The following XRN2 variants were observed in gnomAD, a reference collection of about 807,000 sequenced individuals.
XRN2 encodes the protein 5'-3' exoribonuclease 2, also known as DHM1-like protein.
Under a neutral mutation model 138.5 loss-of-function variants are expected in XRN2, and 44 were observed. The ratio of observed to expected loss-of-function variants is 0.32; its 90% CI spans 0.25 to 0.41. The LOEUF (loss-of-function observed/expected upper bound fraction) is 0.41. Ranked by LOEUF, XRN2 falls within the 10% of genes least tolerant of loss-of-function variation. The pLI is 1.00. For missense variants in XRN2, 937 were observed against 1,169.3 expected, an observed-to-expected ratio of 0.80 and a Z score of 2.90; for synonymous variants, 354 against 369.4, an observed-to-expected ratio of 0.96 and a Z score of 0.48.
chr20:21,328,561 A>G lies in XRN2; in HGVS notation c.318A>G (p.Ala106=). The change falls in exon 4 of 30, where the codon GCA becomes GCG. Residue 106 remains alanine (A), a splice_region_variant and synonymous_variant. Transcript: ENST00000377191. Reference sequence around the variant, plus strand: ...TGGAATATGAAATACATTTTCAGGCACCACGTGCTAAAATGAACCAGCAGC... The same window carrying G: ...TGGAATATGAAATACATTTTCAGGCGCCACGTGCTAAAATGAACCAGCAGC... ...RLLYMAIDGV[A]PRAKMNQQRS... is the part of the protein sequence containing the mutation. 6.2e-7 allele frequency: 1 copy of G among 1,613,368 alleles called. No individual in the cohort carries two copies. The highest frequency in any genetic ancestry group is 8.5e-7 in the Non-Finnish European group (1 of 1,179,732).
chr20:21,319,430 CAT>C (rs767631320), intron 1 of XRN2, among the ~76,000 whole-genome samples: 10 of 151,994 alleles, frequency 6.6e-5, no homozygotes, highest in Non-Finnish European at 1.2e-4. Flanking sequence ...TTGTATGTCT[CAT>C]GTCATTTTTC....
chr20:21,303,361 G>A lies in XRN2; in HGVS notation c.-38G>A, dbSNP rs980835798. The A allele has an allele frequency of 9.7e-6, 15 of 1,540,956 alleles. No homozygotes were observed. The highest frequency in any genetic ancestry group is 1.3e-5 in the Non-Finnish European group (15 of 1,143,572). ...TGCTCCCGTCTCTTTGGTTACGCTCGTCAGCCGGTCGGCCGCCGCCTCCAG... is the reference window on the plus strand; with the variant it reads ...TGCTCCCGTCTCTTTGGTTACGCTCATCAGCCGGTCGGCCGCCGCCTCCAG... On this transcript the variant is annotated 5_prime_UTR_variant, in exon 1 of 30. Coordinates refer to ENST00000377191, the MANE Select transcript of XRN2 (RefSeq NM_012255.5).
At chr20:21,304,652 T>C (rs2037790455) in intron 1 of XRN2, among the ~76,000 whole-genome samples, 1 of 152,230 alleles carries the variant, frequency 6.6e-6, no homozygotes, top group Non-Finnish European at 1.5e-5. Context: ...CTAGCTGGAA[T>C]AGGAGAGGAT....
chr20:21,329,472 C>T (rs989407654), intron 4 of XRN2, among the ~76,000 whole-genome samples: 1 of 152,150 alleles, frequency 6.6e-6, no homozygotes, highest in African/African-American at 2.4e-5. Context: ...TAATTGCACT[C>T]TGCAGTTGAA....
At chr20:21,314,599 G>T (rs1446043671) in intron 1 of XRN2, among the ~76,000 whole-genome samples, 1 of 152,022 alleles carries the variant, frequency 6.6e-6, no homozygotes, top group Non-Finnish European at 1.5e-5. Context: ...CGATTCTCCT[G>T]CCTCAGTCTC....
In XRN2 at chr20:21,340,670, A is replaced by G. The variant is rs771302746; in HGVS notation, c.1279-51A>G. ...TGCCCTTCTTTCCTTTCTGTCATCT[A>G]ACTGTGTTGTGATTTAATTTTAATT... is the stretch of plus-strand genomic sequence containing the variant. On this transcript the variant is annotated intron_variant, in intron 14 of 29. Transcript: ENST00000377191. 1.3e-5 allele frequency: 20 copies of G among 1,589,670 alleles called. No homozygotes were observed. The African/African-American group carries it at 1.9e-4, about 15-fold the overall frequency.
intron 1 of XRN2, among the ~76,000 whole-genome samples, chr20:21,315,575 C>G (rs2037947294): frequency 6.6e-6 from 1 of 152,204 alleles, no homozygotes; most frequent in Non-Finnish European, 1.5e-5. Flanking sequence ...TCACTGCAAC[C>G]TCCATCTCCC....
chr20:21,331,771 A>G lies in XRN2; in HGVS notation c.653A>G (p.Gln218Arg). ...IMDYIRRQRA[Q>R]PNHDPNTHHC... ...TACATGTTTCTCTCTTGTTTAGCCC[A>G]GCCTAACCATGACCCAAATACTCAT... Residue 218 changes from glutamine to arginine, a missense_variant, in exon 8 of 30, where the codon CAG (glutamine) becomes CGG (arginine). Physicochemically the swap from Gln to Arg is conservative, Grantham distance 43. This residue lies in a region of XRN2 where 471 missense variants were observed against 581.2 expected (regional missense o/e 0.81). Transcript: ENST00000377191. 1 of 1,608,150 alleles carries G rather than the reference A, an allele frequency of 6.2e-7. No homozygotes were observed. Among genetic ancestry groups the G allele is most frequent in the East Asian group, 2.2e-5 (1 of 44,650 alleles).
chr20:21,363,164 A>G (rs1424036484), intron 24 of XRN2, among the ~76,000 whole-genome samples: 1 of 152,174 alleles, frequency 6.6e-6, no homozygotes, highest in Non-Finnish European at 1.5e-5. Flanking sequence ...AGGTGTATAC[A>G]CACACATGCT....
chr20:21,311,330 A>G (rs998420481), intron 1 of XRN2, among the ~76,000 whole-genome samples: 1 of 152,100 alleles, frequency 6.6e-6, no homozygotes, highest in African/African-American at 2.4e-5. Flanking sequence ...TGAAATCATA[A>G]TATTTTTCCT....
rs1462418918 is a variant in XRN2, at chr20:21,331,830, C to G, written c.700+12C>G. 3.7e-6 allele frequency: 6 copies of G among 1,611,290 alleles called. No homozygotes were observed. The African/African-American group carries it at 8.0e-5, about 22-fold the overall frequency. On this transcript the variant is annotated intron_variant, in intron 8 of 29. Transcript: ENST00000377191. ...ATGTGGAGCAGATGGTAAGTTTCTT[C>G]TTTGGGATTTGCTTCTTTTGGATTA...
Position 21,389,334 on chromosome 20 carries a change from A to G in XRN2, c.2849A>G (p.Asn950Ser). 1 of 1,612,662 alleles carries G rather than the reference A, an allele frequency of 6.2e-7. No individual in the cohort carries two copies. The highest frequency in any genetic ancestry group is 1.1e-5 in the South Asian group (1 of 90,730). ...CCACCCTCAGGAAGATACAATTGGA[A>G]TTAAGCTTTTGTAAAGCTTTCCCAA... ...LPPPSGRYNW[N>S] Residue 950 changes from asparagine (N) to serine (S), a missense_variant, in exon 30 of 30, where the codon AAT becomes AGT. Asn to Ser is a conservative substitution (Grantham distance 46, BLOSUM62 1). Transcript: ENST00000377191.
At chr20:21,342,306 G>T (rs1262888113) in intron 15 of XRN2, among the ~76,000 whole-genome samples, 1 of 151,766 alleles carries the variant, frequency 6.6e-6, no homozygotes, top group Non-Finnish European at 1.5e-5. Flanking sequence ...TTATATTTGT[G>T]GTTTTATATT....
At chr20:21,328,761 C>G in intron 4 of XRN2, 91 bp downstream of exon 4, 1 of 1,129,890 alleles carries the variant, frequency 8.9e-7, no homozygotes, top group Non-Finnish European at 1.3e-6. Context: ...AAGAGGCAAG[C>G]TTTTAATTTA....
rs8115710 is a variant in XRN2, at chr20:21,319,024, T to C, written c.76-7255T>C. 3.3e-3 allele frequency among the ~76,000 whole-genome samples: 509 copies of C among 152,314 alleles called. 4 individuals are homozygous for C. Among genetic ancestry groups the C allele is most frequent in the African/African-American group, 0.012 (489 of 41,594 alleles). On this transcript the variant is annotated intron_variant, in intron 1 of 29. Transcript: ENST00000377191. The stretch of plus-strand genomic sequence containing the variant: ...GAAGTCTCCAGCTATCATTGTTGAA[T>C]TGCCATATGTCTTGTTTTGTGTATT...
At chr20:21,348,854 A>G (rs745673337) in intron 19 of XRN2, among the ~76,000 whole-genome samples, 1 of 152,158 alleles carries the variant, frequency 6.6e-6, no homozygotes, top group Non-Finnish European at 1.5e-5. Context: ...CTTGTTAGCC[A>G]GGATGGTCTT....
intron 4 of XRN2, among the ~76,000 whole-genome samples, chr20:21,329,015 C>T (rs541034757): frequency 1.6e-4 from 24 of 152,060 alleles, no homozygotes; most frequent in South Asian, 4.2e-4. Flanking sequence ...TTCTCTGTGG[C>T]GGCTGTCAGA....
chr20:21,355,908 T>C (rs2038570423), intron 21 of XRN2, among the ~76,000 whole-genome samples, 172 bp from the exon 22 acceptor site: 1 of 152,208 alleles, frequency 6.6e-6, no homozygotes, highest in Non-Finnish European at 1.5e-5. Flanking sequence ...CACAGTACTA[T>C]CAAATACTAG....
Position 21,356,117 on chromosome 20 carries a change from G to T in XRN2, c.2058G>T (p.Val686=), listed in dbSNP as rs1373392862. 1 of 1,612,618 alleles carries T rather than the reference G, an allele frequency of 6.2e-7. No individual in the cohort carries two copies. ...RNSLGGDVLF[V]GKHHPLHDFI... is the part of the protein sequence containing the mutation. ...GCCTTGGAGGTGATGTCTTATTTGT[G>T]GGGAAACATCACCCACTCCATGACT... The change falls in exon 22 of 30, where the codon GTG becomes GTT. Residue 686 remains valine (V), a synonymous_variant. Coordinates refer to ENST00000377191, the MANE Select transcript of XRN2 (RefSeq NM_012255.5).
Sources: allele counts gnomAD v4.1 joint callset (sites outside exome capture counted in the v4.1 genomes callset), GRCh38; gene constraint gnomAD v4.1.1; regional missense constraint gnomAD v4.1.1; transcripts MANE v1.5; gene names NCBI Gene and HGNC (gene_info 2026-07-23, HGNC 2026-07-21).